Variants in NHSL1 observed in about 807,000 individuals in gnomAD.
NHSL1 encodes NHS like 1.
Under a neutral mutation model 95.0 loss-of-function variants are expected in NHSL1, and 48 were observed. The observed-to-expected ratio is 0.51, with a 90% CI of 0.40 to 0.64. NHSL1 has a LOEUF of 0.64. Ranked by LOEUF, NHSL1 falls within the 30% of genes least tolerant of loss-of-function variation. The pLI, the probability that NHSL1 is intolerant of heterozygous loss-of-function variation, is 0.00. For missense variants in NHSL1, 1,971 were observed against 2,077.7 expected (o/e 0.95, Z 1.00); for synonymous variants, 783 against 833.9 (o/e 0.94, Z 1.05).
intron 1 of NHSL1, among the ~76,000 whole-genome samples, chr6:138,532,642 C>G (rs1016457597): frequency 6.6e-6 from 1 of 152,154 alleles, no homozygotes; most frequent in Non-Finnish European, 1.5e-5. Context: ...ATCAAGCAAG[C>G]AGGGCAATCA....
chr6:138,442,815 C>T (rs1478165510), intron 4 of NHSL1, among the ~76,000 whole-genome samples: 1 of 152,142 alleles, frequency 6.6e-6, no homozygotes, highest in East Asian at 1.9e-4. Flanking sequence ...TGCAATCAAA[C>T]CTGGAATGCC....
intron 1 of NHSL1, among the ~76,000 whole-genome samples, chr6:138,522,724 T>C (rs1475499155): frequency 6.6e-6 from 1 of 152,054 alleles, no homozygotes. Flanking sequence ...GCTAGGAAGA[T>C]CACTTGGGCC....
rs1562261551 is a variant in NHSL1, at chr6:138,432,110, G to C, written c.2235C>G (p.Gly745=). Residue 745 remains glycine (G), a synonymous_variant, in exon 6 of 8, where the codon GGC becomes GGG. Transcript: ENST00000343505. This position sits in a 1 kb window ranked among gnomAD's most constrained non-coding sequence, Gnocchi z 4.4. ...RSRSQSTVSA[G]SSMTSATTPN... ...GGGTGGTGGCGGAAGTCATGCTGCT[G>C]CCAGCACTAACTGTGCTCTGGCTCC... 6.4e-7 allele frequency: 1 copy of C among 1,551,192 alleles called. No individual in the cohort carries two copies.
At chr6:138,688,643 A>C (rs1583482175) in intron 1 of NHSL1, among the ~76,000 whole-genome samples, 1 of 152,144 alleles carries the variant, frequency 6.6e-6, no homozygotes, top group East Asian at 1.9e-4. Flanking sequence ...GCTCCATCTC[A>C]AAAAAATTAA....
intron 1 of NHSL1, among the ~76,000 whole-genome samples, chr6:138,585,488 C>G (rs142261112): frequency 2.5e-3 from 380 of 152,208 alleles, no homozygotes; most frequent in African/African-American, 8.8e-3. Flanking sequence ...ACAAAAATAG[C>G]ACAAATATAG....
intron 2 of NHSL1, among the ~76,000 whole-genome samples, chr6:138,491,619 G>T (rs1037724082): frequency 9.2e-5 from 14 of 152,194 alleles, no homozygotes; most frequent in Admixed American, 9.2e-4. Flanking sequence ...TGGAAACTCA[G>T]TAAGAAGCTG....
At chr6:138,597,623 T>C (rs1052219285) in intron 1 of NHSL1, among the ~76,000 whole-genome samples, 1 of 152,230 alleles carries the variant, frequency 6.6e-6, no homozygotes, top group Non-Finnish European at 1.5e-5. Context: ...TAACCGCTTG[T>C]AGTGTTTGAG....
chr6:138,548,683 C>T (rs992024827), upstream of NHSL1, among the ~76,000 whole-genome samples: 1 of 152,170 alleles, frequency 6.6e-6, no homozygotes, highest in Non-Finnish European at 1.5e-5. Flanking sequence ...AAGGTTCCAT[C>T]TTAACTCAAT....
chr6:138,502,478 G>GA (rs1176537828), upstream of NHSL1, among the ~76,000 whole-genome samples: 969 of 142,328 alleles, frequency 6.8e-3, 9 homozygotes, highest in African/African-American at 0.02. Flanking sequence ...GACAGTGGCG[G>GA]AAAAAAAAAA....
At chr6:138,626,645 G>A in intron 1 of NHSL1, among the ~76,000 whole-genome samples, 1 of 71,368 alleles carries the variant, frequency 1.4e-5, no homozygotes, top group Non-Finnish European at 2.7e-5. Context: ...TGTAATCCCA[G>A]CACTTTGGGA....
intron 1 of NHSL1, among the ~76,000 whole-genome samples, chr6:138,685,666 A>G (rs1451809752): frequency 1.3e-5 from 2 of 152,166 alleles, no homozygotes; most frequent in East Asian, 3.9e-4. Flanking sequence ...CCTAAGCAAC[A>G]CAGTGAGACA....
intron 1 of NHSL1, among the ~76,000 whole-genome samples, chr6:138,562,599 T>A (rs1475586497): frequency 1.3e-5 from 2 of 151,366 alleles, no homozygotes; most frequent in Non-Finnish European, 1.5e-5. Flanking sequence ...GAGGTGGAGA[T>A]TGCAGTGAGC....
chr6:138,613,747 C>T (rs1784544389), intron 1 of NHSL1, among the ~76,000 whole-genome samples: 2 of 152,164 alleles, frequency 1.3e-5, no homozygotes, highest in Non-Finnish European at 2.9e-5. Context: ...TTTGATAAGA[C>T]ATTTAAGTCC....
At chr6:138,554,880 G>A (rs1330587645) in intron 1 of NHSL1, among the ~76,000 whole-genome samples, 1 of 152,160 alleles carries the variant, frequency 6.6e-6, no homozygotes, top group African/African-American at 2.4e-5. Context: ...AACTGCCAAG[G>A]CTTCTGAGTC....
chr6:138,561,599 C>T (rs1330277823), intron 1 of NHSL1, among the ~76,000 whole-genome samples: 2 of 152,220 alleles, frequency 1.3e-5, no homozygotes, highest in East Asian at 1.9e-4. Flanking sequence ...GGTCTCTCCT[C>T]AGTGTGAGTT....
intron 1 of NHSL1, among the ~76,000 whole-genome samples, chr6:138,657,814 C>CAAAA (rs1051789759): frequency 0.033 from 887 of 27,104 alleles, no homozygotes; most frequent in Non-Finnish European, 0.049. Context: ...GACTCCATCT[C>CAAAA]AAAAAAAAAA....
At chr6:138,622,425 A>T (rs937347648) in intron 1 of NHSL1, among the ~76,000 whole-genome samples, 7 of 152,170 alleles carry the variant, frequency 4.6e-5, no homozygotes, top group South Asian at 4.2e-4. Context: ...AATGGCATGA[A>T]CCCAGAGCCA....
intron 2 of NHSL1, among the ~76,000 whole-genome samples, chr6:138,489,463 T>C (rs1779901547): frequency 6.6e-6 from 1 of 152,092 alleles, no homozygotes; most frequent in Non-Finnish European, 1.5e-5. Context: ...ACACCTGGAC[T>C]TCTGTTAGAA....
intron 1 of NHSL1, chr6:138,571,615 A>T: frequency 8.4e-7 from 1 of 1,185,054 alleles, no homozygotes; most frequent in Non-Finnish European, 1.2e-6. Context: ...GAAACTCCTA[A>T]TGGGGGCAAA....
Sources: gnomAD v4.1 joint callset for allele counts (sites outside exome capture counted in the v4.1 genomes callset) on GRCh38, gnomAD v4.1.1 for gene constraint, Gnocchi (gnomAD v3.1) non-coding constraint, MANE v1.5 for transcripts, NCBI Gene and HGNC (gene_info 2026-07-23, HGNC 2026-07-21) for gene names.